SP4: variants seen among roughly 807,000 people sequenced by gnomAD.
SP4 encodes Sp4 transcription factor.
SP4 carries 19 observed loss-of-function variants against 72.8 expected under a neutral mutation model. That is an observed-to-expected ratio of 0.26 (90% CI 0.18 to 0.38). SP4 has a LOEUF of 0.38. SP4 is among the 10% of genes least tolerant of loss of function. The pLI is 1.00. For missense variants in SP4, 1,008 were observed against 926.3 expected (o/e 1.09, Z -1.14); for synonymous variants, 395 against 333.1 (o/e 1.19, Z -2.02).
chr7:21,482,789 A>G (rs978022023), intron 5 of SP4: 5 of 974,644 alleles, frequency 5.1e-6, no homozygotes, highest in Middle Eastern at 5.2e-4. Flanking sequence ...TTGCAGAATT[A>G]TAAATTTCAC....
chr7:21,432,158 A>G (rs1057035255), intron 3 of SP4, among the ~76,000 whole-genome samples: 1 of 152,218 alleles, frequency 6.6e-6, no homozygotes, highest in South Asian at 2.1e-4. Flanking sequence ...ATTTTATTTA[A>G]TTTTAATTTA....
chr7:21,464,570 A>G (rs1041048614), intron 3 of SP4, among the ~76,000 whole-genome samples: 2 of 143,520 alleles, frequency 1.4e-5, no homozygotes, highest in Non-Finnish European at 3.0e-5. Flanking sequence ...TTGTTTAAAA[A>G]TCTATTTTCT....
At chr7:21,462,589 GA>G (rs1207249942) in intron 3 of SP4, among the ~76,000 whole-genome samples, 1 of 151,912 alleles carries the variant, frequency 6.6e-6, no homozygotes, top group African/African-American at 2.4e-5. Flanking sequence ...GATTGGTCCT[GA>G]GAAGAGATCA....
intron 3 of SP4, among the ~76,000 whole-genome samples, chr7:21,439,339 C>G (rs1239881278): frequency 6.6e-6 from 1 of 151,808 alleles, no homozygotes; most frequent in Non-Finnish European, 1.5e-5. Flanking sequence ...GTTATTTATG[C>G]TGATCTTTTA....
intron 4 of SP4, among the ~76,000 whole-genome samples, chr7:21,478,163 C>G (rs1439605415): frequency 1.3e-5 from 2 of 152,154 alleles, no homozygotes; most frequent in African/African-American, 4.8e-5. Context: ...ATAATGTTTT[C>G]AAGGTTCAAC....
chr7:21,462,620 GAA>G (rs1784031533), intron 3 of SP4, among the ~76,000 whole-genome samples: 1 of 152,220 alleles, frequency 6.6e-6, no homozygotes, highest in Non-Finnish European at 1.5e-5. Context: ...GTCTAGATAT[GAA>G]AGTCTTTTGC....
intron 3 of SP4, among the ~76,000 whole-genome samples, chr7:21,442,247 C>T (rs1783283641): frequency 6.6e-6 from 1 of 151,980 alleles, no homozygotes; most frequent in East Asian, 1.9e-4. Context: ...GCCATGTTGG[C>T]CAGGCTGGTC....
intron 5 of SP4, among the ~76,000 whole-genome samples, chr7:21,500,529 G>A (rs1781837479): frequency 6.6e-6 from 1 of 152,154 alleles, no homozygotes; most frequent in Non-Finnish European, 1.5e-5. Context: ...AAGACCCTGG[G>A]GAGAAACCTG....
In SP4 at chr7:21,429,307, C is replaced by T. The variant is rs1329040653; in HGVS notation, c.142C>T (p.Leu48=). The change falls in exon 3 of 6, where the codon CTG becomes TTG. Residue 48 remains leucine, a synonymous_variant. Transcript: ENST00000222584. ...TGGGTAGGACTCTCAGCCCTCTCCTCTGGCTTTACTGGCAGCTACTTGCAG... is the reference window on the plus strand; with the variant it reads ...TGGGTAGGACTCTCAGCCCTCTCCTTTGGCTTTACTGGCAGCTACTTGCAG... ...SGSQDSQPSP[L]ALLAATCSKI... is the part of the protein sequence containing the mutation. The T allele has an allele frequency of 3.8e-6, 6 of 1,588,580 alleles. No homozygotes were observed. In the South Asian group the frequency reaches 6.6e-5, roughly 18 times the overall value.
chr7:21,442,264 TC>T lies in SP4; in HGVS notation c.1678+11423del, dbSNP rs2128395031. Among the ~76,000 whole-genome samples the T allele has an allele frequency of 2.0e-5, 3 of 152,202 alleles. No homozygotes were observed. In the East Asian group the frequency reaches 5.8e-4, roughly 30 times the overall value. On this transcript the variant is annotated intron_variant, in intron 3 of 5. Coordinates refer to ENST00000222584, the MANE Select transcript of SP4 (RefSeq NM_003112.5). The stretch of plus-strand genomic sequence containing the variant: ...CATGTTGGCCAGGCTGGTCTTGAAC[TC>T]CTGACCTCAGGTGATCCACCCGCCT...
At chr7:21,485,212 TA>T (rs1373459887) in intron 5 of SP4, among the ~76,000 whole-genome samples, 2 of 151,966 alleles carry the variant, frequency 1.3e-5, no homozygotes, top group Non-Finnish European at 2.9e-5. Flanking sequence ...TAACCATTCG[TA>T]GCAACAACTA....
At chr7:21,506,017 T>G (rs1781989066) in intron 5 of SP4, among the ~76,000 whole-genome samples, 2 of 152,152 alleles carry the variant, frequency 1.3e-5, no homozygotes, top group South Asian at 4.1e-4. Context: ...CATCATTACT[T>G]TTATTTGTCC....
intron 3 of SP4, among the ~76,000 whole-genome samples, chr7:21,439,487 C>T (rs1783164065): frequency 1.3e-5 from 2 of 151,930 alleles, no homozygotes. Context: ...TTCCCTACTC[C>T]CCTCACACCC....
At chr7:21,488,315 T>C (rs1402756155) in intron 5 of SP4, among the ~76,000 whole-genome samples, 1 of 152,150 alleles carries the variant, frequency 6.6e-6, no homozygotes, top group African/African-American at 2.4e-5. Context: ...TTTTTGATAG[T>C]AGTTATAGTC....
intron 3 of SP4, among the ~76,000 whole-genome samples, chr7:21,458,162 A>C (rs2128400955): frequency 6.6e-6 from 1 of 151,546 alleles, no homozygotes; most frequent in East Asian, 1.9e-4. Context: ...TTTTCCATCA[A>C]GTGCAGTTTT....
In SP4 at chr7:21,428,283, T is replaced by G. The variant is rs1432244919; in HGVS notation, c.7+25T>G. ...GGTACGTATTCTCCACCCCCCTCAG[T>G]CTCCTTCGCCGCCTCCCTCTCTCCC... On this transcript the variant is annotated intron_variant, in intron 1 of 5. Coordinates refer to ENST00000222584, the MANE Select transcript of SP4 (RefSeq NM_003112.5). 5 of 1,396,460 alleles carry G rather than the reference T, an allele frequency of 3.6e-6. No individual in the cohort carries two copies. The South Asian group carries it at 4.9e-5, about 14-fold the overall frequency. The allele number at this position is 1,396,460 out of a possible 1,614,324, so 86.5% of individuals were successfully genotyped here.
chr7:21,455,346 T>C (rs1055601239), intron 3 of SP4, among the ~76,000 whole-genome samples: 11 of 152,208 alleles, frequency 7.2e-5, no homozygotes, highest in Non-Finnish European at 1.6e-4. Context: ...AAAGGAAAAC[T>C]AGTTTTTTGT....
At chr7:21,474,652 C>G (rs1351861774) in intron 3 of SP4, among the ~76,000 whole-genome samples, 1 of 152,176 alleles carries the variant, frequency 6.6e-6, no homozygotes, top group Non-Finnish European at 1.5e-5. Flanking sequence ...ACTTGATCCT[C>G]AGGAACAGCT....
chr7:21,456,727 A>G (rs530667750), intron 3 of SP4, among the ~76,000 whole-genome samples: 17 of 152,224 alleles, frequency 1.1e-4, no homozygotes, highest in Admixed American at 2.0e-4. Flanking sequence ...AAGCAGAGGA[A>G]ATCCTAGACA....
Sources: allele counts gnomAD v4.1 joint callset (sites outside exome capture counted in the v4.1 genomes callset), GRCh38; gene constraint gnomAD v4.1.1; transcripts MANE v1.5; gene names NCBI Gene and HGNC (gene_info 2026-07-23, HGNC 2026-07-21).